The following CCDC88B variants were observed in gnomAD, a reference collection of about 807,000 sequenced individuals.
CCDC88B encodes the protein coiled-coil domain-containing protein 88B.
Under a neutral mutation model 183.7 loss-of-function variants are expected in CCDC88B, and 138 were observed. That is an observed-to-expected ratio of 0.75 (90% confidence interval 0.65 to 0.87). The LOEUF is 0.87. CCDC88B is among the 40% of genes least tolerant of loss of function. The probability of loss-of-function intolerance (pLI) is 0.00; values close to 1 mark genes in which losing one functional copy is unlikely to be tolerated. For missense variants in CCDC88B, 1,822 were observed against 1,965.6 expected (o/e 0.93, Z 1.38); for synonymous variants, 835 against 867.5 (o/e 0.96, Z 0.66).
At chr11:64,340,576 T>G (rs1056618810) in intron 1 of CCDC88B, 31 bp from the exon 2 acceptor site, 2 of 1,595,620 alleles carry the variant, frequency 1.3e-6, no homozygotes. Flanking sequence ...TTCACTCTGC[T>G]GGTCGGCTGA....
chr11:64,357,290 G>C lies in CCDC88B; in HGVS notation c.*196G>C, dbSNP rs907170787. On this transcript the variant is annotated 3_prime_UTR_variant, in exon 27 of 27. Transcript: ENST00000356786. The stretch of plus-strand genomic sequence containing the variant: ...GCTGGGACGAGTGTGTGGACAGGGG[G>C]GATGGCTGGCCCCCACGAGCAGCTC... 4 of 748,030 alleles carry C rather than the reference G, an allele frequency of 5.3e-6. No individual in the cohort carries two copies. Among genetic ancestry groups the C allele is most frequent in the Non-Finnish European group, 9.7e-6 (4 of 412,468 alleles). 46.3% of individuals were successfully genotyped at this position (748,030 alleles called of 1,614,324 possible).
rs2036070037 is a variant in CCDC88B at position 64,345,381 on chromosome 11, A to G, written c.2616+224A>G. ...GCTGTGGGAGGGGGTGGGACTGCCTAGTACACATCTTGGCTCTCTGGCTGC... is the reference window on the plus strand; with the variant it reads ...GCTGTGGGAGGGGGTGGGACTGCCTGGTACACATCTTGGCTCTCTGGCTGC... On this transcript the variant is annotated intron_variant, in intron 14 of 26. Transcript: ENST00000356786. Among the ~76,000 whole-genome samples the G allele has an allele frequency of 2.0e-5, 3 of 152,278 alleles. No homozygotes were observed. In the South Asian group the frequency reaches 6.2e-4, roughly 32 times the overall value.
At chr11:64,347,041 G>A (rs1157609552) in intron 14 of CCDC88B, among the ~76,000 whole-genome samples, 2 of 151,902 alleles carry the variant, frequency 1.3e-5, no homozygotes, top group Non-Finnish European at 2.9e-5. Flanking sequence ...TGATCTGCCC[G>A]CCTCGGCCTC....
At position 64,343,340 on chromosome 11, in the gene CCDC88B, G is replaced by C; in HGVS notation, c.1209+15G>C. On this transcript the variant is annotated intron_variant, in intron 11 of 26. Transcript: ENST00000356786. ...AGGCCCATGCGGTAAGGTAGCCAGAGTGATCCCACTTGGGTTGCCCCGTCA... is the reference window on the plus strand; with the variant it reads ...AGGCCCATGCGGTAAGGTAGCCAGACTGATCCCACTTGGGTTGCCCCGTCA... 1.3e-6 allele frequency: 2 copies of C among 1,549,716 alleles called. No homozygotes were observed. The highest frequency in any genetic ancestry group is 1.7e-6 in the Non-Finnish European group (2 of 1,146,198).
At chr11:64,352,025 C>G in intron 18 of CCDC88B, 105 bp from the exon 19 acceptor site, 1 of 1,456,518 alleles carries the variant, frequency 6.9e-7, no homozygotes, top group Non-Finnish European at 9.2e-7. Flanking sequence ...CCACAACTCT[C>G]TCATTGTCTT....
chr11:64,352,645 G>A (rs1565056987), intron 19 of CCDC88B, 99 bp from the exon 20 acceptor site: 4 of 1,543,904 alleles, frequency 2.6e-6, no homozygotes, highest in Non-Finnish European at 3.5e-6. Context: ...CTAGGCTTAG[G>A]AGGTGACAGA....
intron 10 of CCDC88B, chr11:64,342,883 G>C (rs1334237386): frequency 6.5e-6 from 3 of 459,078 alleles, no homozygotes; most frequent in East Asian, 4.9e-5. Flanking sequence ...GAGTGGGGGG[G>C]CTGTGTAAGT....
rs773100782 is a variant in CCDC88B at position 64,353,390 on chromosome 11, C to T, written c.3727C>T (p.Arg1243Trp). The T allele has an allele frequency of 8.7e-6, 14 of 1,613,412 alleles. No individual in the cohort carries two copies. The highest frequency in any genetic ancestry group is 1.7e-4 in the Middle Eastern group (1 of 5,972). ...GCGAAGTGCCCAGGAAGAGGAGAAC[C>T]GGCAGCTGCTGGCTGAAGTTCAGGC... is the stretch of plus-strand genomic sequence containing the variant. ...QLRSAQEEENRQLLAEVQALS... is the reference protein window; with the variant it reads ...QLRSAQEEENWQLLAEVQALS... Residue 1243 changes from arginine (R) to tryptophan (W), a missense_variant, in exon 22 of 27, where the codon CGG (arginine) becomes TGG (tryptophan). By Grantham distance (101) the Arg-to-Trp change is moderately radical. Transcript: ENST00000356786.
chr11:64,346,981 A>G (rs909398370), intron 14 of CCDC88B, among the ~76,000 whole-genome samples: 1 of 150,786 alleles, frequency 6.6e-6, no homozygotes, highest in Non-Finnish European at 1.5e-5. Context: ...TTTTTAGTAG[A>G]GACAGGGTTT....
In CCDC88B at chr11:64,342,140, G is replaced by GT; in HGVS notation, c.821+2dup. 1 of 1,607,722 alleles carries GT rather than the reference G, an allele frequency of 6.2e-7. No individual in the cohort carries two copies. The highest frequency in any genetic ancestry group is 1.1e-5 in the South Asian group (1 of 90,476). ...AGCTGCGGCGTCTGCGGCAGGAGCTGTGAGTGTGCGCAGCCTGGGAAGGGG... is the reference window on the plus strand; with the variant it reads ...AGCTGCGGCGTCTGCGGCAGGAGCTGTTGAGTGTGCGCAGCCTGGGAAGGGG... On this transcript the variant is annotated splice_donor_variant, in intron 8 of 26. Coordinates refer to ENST00000356786, the MANE Select transcript of CCDC88B (RefSeq NM_032251.6). LOFTEE classifies it high-confidence loss of function.
Position 64,352,256 on chromosome 11 carries a change from C to T in CCDC88B, c.3226C>T (p.Arg1076Trp), listed in dbSNP as rs766659095. 4.9e-5 allele frequency: 78 copies of T among 1,603,142 alleles called. No homozygotes were observed. Among genetic ancestry groups the T allele is most frequent in the East Asian group, 9.0e-5 (4 of 44,350 alleles). ...CCGCGGGCAGCAGCAGGCCCTGCTT[C>T]GGGACCACAAGGCCCTGGCACAGCT... ...ETRGQQQALL[R>W]DHKALAQLQR... The change falls in exon 19 of 27, where the codon CGG becomes TGG. Residue 1076 changes from arginine (R) to tryptophan (W), a missense_variant. Transcript: ENST00000356786.
chr11:64,342,347 A>G lies in CCDC88B; in HGVS notation c.875A>G (p.Glu292Gly). 6.3e-7 allele frequency: 1 copy of G among 1,593,248 alleles called. No individual in the cohort carries two copies. Among genetic ancestry groups the G allele is most frequent in the South Asian group, 1.1e-5 (1 of 87,882 alleles). The part of the protein sequence containing the change: ...LDSQAEVQGL[E>G]AEIRRLRQEA... ...TCCCAGGCCGAGGTGCAGGGTTTGG[A>G]GGCCGAAATAAGAAGGCTCCGCCAG... The change falls in exon 9 of 27, where the codon GAG becomes GGG. Residue 292 changes from glutamate to glycine, a missense_variant. Glu to Gly is a moderately conservative substitution (Grantham distance 98, BLOSUM62 -2). Transcript: ENST00000356786.
At chr11:64,346,286 T>C (rs888069856) in intron 14 of CCDC88B, among the ~76,000 whole-genome samples, 3 of 152,088 alleles carry the variant, frequency 2.0e-5, no homozygotes, top group Admixed American at 6.6e-5. Context: ...TTTTTCTTTT[T>C]GAGACAGAGT....
intron 14 of CCDC88B, chr11:64,348,972 C>G (rs758241716): frequency 7.0e-6 from 5 of 717,516 alleles, no homozygotes; most frequent in Non-Finnish European, 1.3e-5. Flanking sequence ...CTAGCTGTCT[C>G]GCTGTCACAT....
chr11:64,344,424 A>G lies in CCDC88B; in HGVS notation c.1883A>G (p.Glu628Gly). ...QLLGGETEGR[E>G]APQGELVPEA... Reference sequence around the variant, plus strand: ...CTGGGAGGAGAGACAGAGGGAAGAGAGGCTCCCCAAGGCGAGTTGGTGCCT... The same window carrying G: ...CTGGGAGGAGAGACAGAGGGAAGAGGGGCTCCCCAAGGCGAGTTGGTGCCT... The change falls in exon 14 of 27, where the codon GAG becomes GGG. Residue 628 changes from glutamate (E) to glycine (G), a missense_variant. Physicochemically the swap from Glu to Gly is moderately conservative, Grantham distance 98 (BLOSUM62 -2). Transcript: ENST00000356786. This position sits in a 1 kb window ranked among gnomAD's most constrained non-coding sequence, Gnocchi z 4.5. 1 of 1,589,768 alleles carries G rather than the reference A, an allele frequency of 6.3e-7. No homozygotes were observed.
chr11:64,345,147 C>T lies in CCDC88B; in HGVS notation c.2606C>T (p.Ala869Val), dbSNP rs1177699718. 1 of 1,542,054 alleles carries T rather than the reference C, an allele frequency of 6.5e-7. No individual in the cohort carries two copies. Among genetic ancestry groups the T allele is most frequent in the East Asian group, 2.4e-5 (1 of 41,894 alleles). ...GAGAGGGAGCGCCGGGAGAAGGAGG[C>T]CCTCCAGGCGGTAGGTCAGGTTGGG... is the stretch of plus-strand genomic sequence containing the variant. ...EAERERREKE[A>V]LQAELEKAVV... Residue 869 changes from alanine to valine, a missense_variant, in exon 14 of 27, where the codon GCC (alanine) becomes GTC (valine). Transcript: ENST00000356786.
intron 24 of CCDC88B, 137 bp downstream of exon 24, chr11:64,354,307 G>A: frequency 1.5e-6 from 1 of 645,452 alleles, no homozygotes; most frequent in Non-Finnish European, 2.2e-6. Flanking sequence ...CTGCCCTGAT[G>A]CCACCAGGGG....
At chr11:64,342,223 G>C in intron 8 of CCDC88B, 71 bp from the exon 9 acceptor site, 1 of 1,579,952 alleles carries the variant, frequency 6.3e-7, no homozygotes, top group East Asian at 2.3e-5. Context: ...GTGGCTACGG[G>C]AGGGGTCAGG....
chr11:64,340,773 G>T, intron 2 of CCDC88B, 21 bp downstream of exon 2: 1 of 1,593,212 alleles, frequency 6.3e-7, no homozygotes. Context: ...TCGGGCCGGG[G>T]CGGTGGCGGG....
Sources: allele counts gnomAD v4.1 joint callset (sites outside exome capture counted in the v4.1 genomes callset), GRCh38; gene constraint gnomAD v4.1.1; non-coding constraint Gnocchi (gnomAD v3.1); transcripts MANE v1.5; gene names NCBI Gene and HGNC (gene_info 2026-07-23, HGNC 2026-07-21).